The following SPIRE2 variants were observed in gnomAD, a reference collection of about 807,000 sequenced individuals.
The protein encoded by SPIRE2 is protein spire homolog 2.
Under a neutral mutation model 80.7 loss-of-function variants are expected in SPIRE2, and 76 were observed. The ratio of observed to expected loss-of-function variants is 0.94; its 90% CI spans 0.78 to 1.14. The LOEUF (loss-of-function observed/expected upper bound fraction) is 1.14, where lower values mean the gene tolerates loss of function less well. Among genes scored for constraint, SPIRE2 ranks in the 50% most tolerant of loss-of-function variants. The pLI, the probability that SPIRE2 is intolerant of heterozygous loss-of-function variation, is 0.00. For missense variants in SPIRE2, 1,196 were observed against 1,015.3 expected (o/e 1.18, Z -2.42); for synonymous variants, 535 against 432.6 (o/e 1.24, Z -2.94).
At chr16:89,869,053 A>AAAAAAAAATATATAT in intron 13 of SPIRE2, among the ~76,000 whole-genome samples, 1 of 24,028 alleles carries the variant, frequency 4.2e-5, no homozygotes, top group African/African-American at 1.6e-4. Context: ...AAAAAAAAAA[A>AAAAAAAAATATATAT]ATATATATAT....
At chr16:89,844,569 G>A (rs943763377) in intron 1 of SPIRE2, among the ~76,000 whole-genome samples, 2 of 151,744 alleles carry the variant, frequency 1.3e-5, no homozygotes, top group East Asian at 1.9e-4. Flanking sequence ...CTCCCGAGTA[G>A]CTGGGACTAC....
chr16:89,845,586 T>A (rs1440023958), intron 2 of SPIRE2: 5 of 703,202 alleles, frequency 7.1e-6, no homozygotes, highest in Non-Finnish European at 1.3e-5. Context: ...CCGTGGTGCT[T>A]CCGGCCTGGA....
chr16:89,850,040 G>A (rs1597215518), intron 2 of SPIRE2: 2 of 576,410 alleles, frequency 3.5e-6, no homozygotes, highest in East Asian at 3.3e-5. Context: ...GTTTCATCAT[G>A]TTGGTCAGGC....
At chr16:89,869,856 G>A (rs1221371421) in intron 14 of SPIRE2, among the ~76,000 whole-genome samples, 174 bp downstream of exon 14, 2 of 151,430 alleles carry the variant, frequency 1.3e-5, no homozygotes, top group East Asian at 1.9e-4. Context: ...AGCAGTATGA[G>A]ATGGAAACTG....
At chr16:89,836,206 C>T (rs1402229594) in intron 1 of SPIRE2, 1 of 455,812 alleles carries the variant, frequency 2.2e-6, no homozygotes, top group Admixed American at 2.4e-5. Flanking sequence ...ATAGGTTATT[C>T]TCTTACAGTT....
At chr16:89,867,074 TAGAA>T (rs2041795953) in intron 12 of SPIRE2, among the ~76,000 whole-genome samples, 1 of 152,168 alleles carries the variant, frequency 6.6e-6, no homozygotes, top group Non-Finnish European at 1.5e-5. Context: ...CACGTCTTCT[TAGAA>T]GGAATCTTAG....
At chr16:89,851,479 C>A (rs1232790022) in intron 3 of SPIRE2, among the ~76,000 whole-genome samples, 2 of 152,158 alleles carry the variant, frequency 1.3e-5, no homozygotes, top group Non-Finnish European at 2.9e-5. Context: ...GGTCACTTGA[C>A]AGATGAGCAA....
chr16:89,840,363 T>C (rs1020149868), intron 1 of SPIRE2, among the ~76,000 whole-genome samples: 3 of 150,086 alleles, frequency 2.0e-5, no homozygotes, highest in South Asian at 2.1e-4. Context: ...CATTCTCCTG[T>C]CTCAGCCTCC....
Position 89,860,687 on chromosome 16 carries a change from C to G in SPIRE2, c.1467C>G (p.Thr489=). ...GGAGCCTCTGCTCTCCCCCAGGTAC[C>G]TGTCCCGCGAGTGTCTCTGACCCCA... ...VWRPGSRDQG[T]CPASVSDPSH... The change falls in exon 10 of 15, where the codon ACC becomes ACG. Residue 489 remains threonine, a synonymous_variant. Transcript: ENST00000378247. 1 of 1,586,654 alleles carries G rather than the reference C, an allele frequency of 6.3e-7. No individual in the cohort carries two copies. Among genetic ancestry groups the G allele is most frequent in the Non-Finnish European group, 8.6e-7 (1 of 1,166,292 alleles).
chr16:89,841,961 C>T (rs2041509899), intron 1 of SPIRE2, among the ~76,000 whole-genome samples: 4 of 152,058 alleles, frequency 2.6e-5, no homozygotes, highest in Admixed American at 2.6e-4. Flanking sequence ...CTCCTGACCT[C>T]AGGTGATCCG....
At chr16:89,845,733 A>G (rs1420129655) in intron 2 of SPIRE2, 5 of 625,018 alleles carry the variant, frequency 8.0e-6, no homozygotes, top group East Asian at 2.8e-5. Flanking sequence ...CAGCCTGGTG[A>G]CCAGTGCCCC....
intron 1 of SPIRE2, among the ~76,000 whole-genome samples, chr16:89,834,041 T>C (rs570194746): frequency 6.2e-4 from 94 of 152,328 alleles, no homozygotes; most frequent in Non-Finnish European, 1.2e-3. Flanking sequence ...AAGGCAGTCC[T>C]GCAGCAAGAC....
Position 89,863,296 on chromosome 16 carries a change from C to A in SPIRE2, c.1576-180C>A. The stretch of plus-strand genomic sequence containing the variant: ...TCATGGGAGGCCTGGCCTGCAGCAG[C>A]AGGGCCCATCAAAGACATGGGGATG... On this transcript the variant is annotated intron_variant, in intron 10 of 14. Coordinates refer to ENST00000378247, the MANE Select transcript of SPIRE2 (RefSeq NM_032451.2). This position sits in a 1 kb window ranked among gnomAD's most constrained non-coding sequence, Gnocchi z 4.3. The A allele has an allele frequency of 1.5e-6, 1 of 682,698 alleles. No homozygotes were observed. Among genetic ancestry groups the A allele is most frequent in the Non-Finnish European group, 2.4e-6 (1 of 413,662 alleles). The allele number at this position is 682,698 out of a possible 1,614,324, so 42.3% of individuals were successfully genotyped here. A position where few individuals can be genotyped will look rare whatever the true frequency, so the allele number is the denominator to read the frequency against.
At chr16:89,843,667 G>GTTTTTTTTTTTGGTTT (rs2041524698) in intron 1 of SPIRE2, among the ~76,000 whole-genome samples, 1 of 60,392 alleles carries the variant, frequency 1.7e-5, no homozygotes, top group Non-Finnish European at 2.8e-5. Flanking sequence ...TTGCTGCCAC[G>GTTTTTTTTTTTGGTTT]TTTTTTTTTT....
In SPIRE2 at chr16:89,870,509, G is replaced by A. The variant is rs2041830833; in HGVS notation, c.*237G>A. 3 of 482,742 alleles carry A rather than the reference G, an allele frequency of 6.2e-6. No homozygotes were observed. The highest frequency in any genetic ancestry group is 3.5e-5 in the Admixed American group (1 of 28,286). The allele number at this position is 482,742 out of a possible 1,614,324, so 29.9% of individuals were successfully genotyped here. A position where few individuals can be genotyped will look rare whatever the true frequency, so the allele number is the denominator to read the frequency against. The stretch of plus-strand genomic sequence containing the variant: ...TCAGGATTCCTTGCCAGGGAGGAAG[G>A]GGAGGGAACAGGGTGGGTTTTCTCA... On this transcript the variant is annotated 3_prime_UTR_variant, in exon 15 of 15. Transcript: ENST00000378247.
At chr16:89,829,081 G>A (rs1470285462) in intron 1 of SPIRE2, among the ~76,000 whole-genome samples, 1 of 152,234 alleles carries the variant, frequency 6.6e-6, no homozygotes, top group Non-Finnish European at 1.5e-5. Context: ...GCTCCCCAGT[G>A]GCCTGGCTTC....
intron 10 of SPIRE2, among the ~76,000 whole-genome samples, chr16:89,861,427 T>C (rs1184004588): frequency 6.6e-6 from 1 of 152,234 alleles, no homozygotes; most frequent in African/African-American, 2.4e-5. Context: ...TTGAGAACTA[T>C]GAGCCTTATA....
chr16:89,829,340 C>G lies in SPIRE2; in HGVS notation c.244+546C>G, dbSNP rs535063846. On this transcript the variant is annotated intron_variant, in intron 1 of 14. Transcript: ENST00000378247. ...CCTGCTTGGTGTTTCTATTCTTAAC[C>G]ATCAACCAGAACCAACAATTAAGCC... 2.0e-5 allele frequency among the ~76,000 whole-genome samples: 3 copies of G among 152,354 alleles called. No homozygotes were observed. In the South Asian group the frequency reaches 6.2e-4, roughly 32 times the overall value.
chr16:89,855,642 G>C lies in SPIRE2; in HGVS notation c.934G>C (p.Glu312Gln). The C allele has an allele frequency of 6.2e-7, 1 of 1,612,794 alleles. No individual in the cohort carries two copies. The highest frequency in any genetic ancestry group is 8.5e-7 in the Non-Finnish European group (1 of 1,179,942). Reference protein sequence around the residue: ...IPPRVKKDAHELILDFIRSRP... With the variant: ...IPPRVKKDAHQLILDFIRSRP... The stretch of plus-strand genomic sequence containing the variant: ...GCCCCGGGTGAAGAAGGACGCTCAC[G>C]AGCTCATCCTGGACTTTATCCGCTC... The change falls in exon 6 of 15, where the codon GAG (glutamate) becomes CAG (glutamine). Residue 312 changes from glutamate to glutamine, a missense_variant. Transcript: ENST00000378247.
Sources: gnomAD v4.1 joint callset for allele counts (sites outside exome capture counted in the v4.1 genomes callset) on GRCh38, gnomAD v4.1.1 for gene constraint, Gnocchi (gnomAD v3.1) non-coding constraint, MANE v1.5 for transcripts, NCBI Gene and HGNC (gene_info 2026-07-23, HGNC 2026-07-21) for gene names.